UBE2V2: variants seen among roughly 807,000 people sequenced by gnomAD.
UBE2V2 encodes ubiquitin-conjugating enzyme E2 variant 2.
Under a neutral mutation model 17.2 loss-of-function variants are expected in UBE2V2, and 9 were observed. The ratio of observed to expected loss-of-function variants is 0.52; its 90% confidence interval spans 0.32 to 0.91. The LOEUF is 0.91. Ranked by LOEUF, UBE2V2 falls within the 40% of genes least tolerant of loss-of-function variation. The pLI, the probability that UBE2V2 is intolerant of heterozygous loss-of-function variation, is 0.04. For missense variants in UBE2V2, 133 were observed against 182.6 expected (o/e 0.73, Z 1.56); for synonymous variants, 61 against 57.5 (o/e 1.06, Z -0.28).
intron 3 of UBE2V2, among the ~76,000 whole-genome samples, chr8:48,053,728 A>AT (rs2091554576): frequency 6.7e-6 from 1 of 149,518 alleles, no homozygotes; most frequent in Non-Finnish European, 1.5e-5. Flanking sequence ...GCCCAGCTAG[A>AT]TTTTTTTCTT....
rs118161501 is a variant in UBE2V2, at chr8:48,034,932, C to T, written c.17-8101C>T. 6 of 796,806 alleles carry T rather than the reference C, an allele frequency of 7.5e-6. No individual in the cohort carries two copies. In the African/African-American group the frequency reaches 7.5e-5, roughly 10 times the overall value. The allele number at this position is 796,806 out of a possible 1,614,324, so 49.4% of individuals were successfully genotyped here. On this transcript the variant is annotated intron_variant, in intron 1 of 3. Coordinates refer to ENST00000523111, the MANE Select transcript of UBE2V2 (RefSeq NM_003350.3). ...TGTTGCCCGGGACGCCTTGCTCCCC[C>T]TCCCTGCAGCCTCTCCAGGTGGCCA...
At chr8:48,000,733 A>G in the UBE2V2 span, among the ~76,000 whole-genome samples, 8 of 150,476 alleles carry the variant, frequency 5.3e-5, no homozygotes, top group African/African-American at 2.0e-4. Context: ...GAGGCAGGAG[A>G]ATGGCATGAA....
chr8:48,004,073 T>G (rs113219149), upstream of UBE2V2, among the ~76,000 whole-genome samples: 3 of 152,288 alleles, frequency 2.0e-5, no homozygotes, highest in African/African-American at 7.2e-5. Context: ...TACACCAACA[T>G]GGGATGACAA....
At chr8:48,002,256 A>G in the UBE2V2 span, among the ~76,000 whole-genome samples, 1 of 152,214 alleles carries the variant, frequency 6.6e-6, no homozygotes, top group Non-Finnish European at 1.5e-5. Flanking sequence ...TATTATTCAC[A>G]ATAGCCTCAA....
intron 1 of UBE2V2, among the ~76,000 whole-genome samples, chr8:48,039,017 C>T (rs2091443539): frequency 6.6e-6 from 1 of 151,476 alleles, no homozygotes; most frequent in Middle Eastern, 3.4e-3. Flanking sequence ...CAACCTCTGC[C>T]TCTTGGGTTC....
chr8:48,007,823 G>C (rs771853797), upstream of UBE2V2, among the ~76,000 whole-genome samples: 1 of 151,284 alleles, frequency 6.6e-6, no homozygotes, highest in Admixed American at 6.6e-5. Context: ...CTCACCTCTT[G>C]GGCTCACGTG....
chr8:48,011,121 C>A (rs2091227400), intron 1 of UBE2V2, among the ~76,000 whole-genome samples: 1 of 152,074 alleles, frequency 6.6e-6, no homozygotes, highest in South Asian at 2.1e-4. Context: ...TTTGTGAAAG[C>A]AGCATGATAC....
At chr8:48,046,518 T>C (rs564702362) in intron 2 of UBE2V2, among the ~76,000 whole-genome samples, 1 of 152,332 alleles carries the variant, frequency 6.6e-6, no homozygotes, top group East Asian at 1.9e-4. Flanking sequence ...CTTCGCAAAG[T>C]GCTAGGATTA....
chr8:48,048,670 C>T (rs2091516219), intron 2 of UBE2V2, among the ~76,000 whole-genome samples: 1 of 151,880 alleles, frequency 6.6e-6, no homozygotes, highest in South Asian at 2.1e-4. Flanking sequence ...TAATAACATA[C>T]ATATAACATT....
At chr8:48,050,688 CAAAAA>C (rs796549178) in intron 3 of UBE2V2, among the ~76,000 whole-genome samples, 1 of 61,804 alleles carries the variant, frequency 1.6e-5, no homozygotes. Flanking sequence ...AACTCCGTCT[CAAAAA>C]AAAAAAAAAA....
intron 2 of UBE2V2, among the ~76,000 whole-genome samples, chr8:48,047,391 A>G (rs1362814680): frequency 6.6e-6 from 1 of 152,216 alleles, no homozygotes; most frequent in Non-Finnish European, 1.5e-5. Context: ...TATTTAATGA[A>G]GGTACTGTCC....
intron 1 of UBE2V2, among the ~76,000 whole-genome samples, chr8:48,030,567 A>C (rs987261653): frequency 3.3e-5 from 5 of 152,206 alleles, no homozygotes; most frequent in Admixed American, 3.3e-4. Context: ...CTAAAAATAC[A>C]AAAATTAGCT....
Position 48,060,728 on chromosome 8 carries a change from A to C in UBE2V2, c.338A>C (p.Tyr113Ser). 6.5e-7 allele frequency: 1 copy of C among 1,544,066 alleles called. No homozygotes were observed. The highest frequency in any genetic ancestry group is 1.8e-4 in the Middle Eastern group (1 of 5,668). ...GTGTTAGCAAAATGGCAAAATTCAT[A>C]TAGCATTAAAGTTGTACTTCAAGAG... ...IPVLAKWQNS[Y>S]SIKVVLQELR... The change falls in exon 4 of 4, where the codon TAT (tyrosine) becomes TCT (serine). Residue 113 changes from tyrosine (Y) to serine (S), a missense_variant. Around this residue, in one of 3 missense-constraint regions of UBE2V2, gnomAD observed 92 missense variants for 124.3 expected, o/e 0.74. Coordinates refer to ENST00000523111, the MANE Select transcript of UBE2V2 (RefSeq NM_003350.3).
chr8:48,047,460 G>A (rs1356584645), intron 2 of UBE2V2, among the ~76,000 whole-genome samples: 1 of 152,090 alleles, frequency 6.6e-6, no homozygotes, highest in Non-Finnish European at 1.5e-5. Flanking sequence ...GATAATAGGA[G>A]AATACCTGAG....
chr8:47,998,548 A>C, the UBE2V2 span, among the ~76,000 whole-genome samples: 3 of 151,754 alleles, frequency 2.0e-5, no homozygotes, highest in Non-Finnish European at 4.4e-5. Context: ...CTTTTTACTC[A>C]CCCTGGCGGA....
the UBE2V2 span, among the ~76,000 whole-genome samples, chr8:48,001,483 C>A: frequency 5.3e-5 from 8 of 152,044 alleles, no homozygotes; most frequent in African/African-American, 1.9e-4. Context: ...ATCTGTAGTC[C>A]CAGCTACTCA....
intron 2 of UBE2V2, among the ~76,000 whole-genome samples, chr8:48,047,437 G>A (rs956287329): frequency 2.0e-5 from 3 of 152,130 alleles, no homozygotes; most frequent in African/African-American, 7.2e-5. Flanking sequence ...AGAATTAAGT[G>A]AAATAATGAT....
intron 1 of UBE2V2, among the ~76,000 whole-genome samples, chr8:48,031,735 A>G (rs554254000): frequency 1.3e-5 from 2 of 152,214 alleles, no homozygotes; most frequent in South Asian, 4.1e-4. Flanking sequence ...GGCTCACTGC[A>G]ACCTCCGCCT....
chr8:48,052,137 C>T (rs924068932), intron 3 of UBE2V2, among the ~76,000 whole-genome samples: 1 of 152,096 alleles, frequency 6.6e-6, no homozygotes, highest in Non-Finnish European at 1.5e-5. Context: ...AGTGATTATT[C>T]TAGAAATTAT....
Sources: gnomAD v4.1 joint callset for allele counts (sites outside exome capture counted in the v4.1 genomes callset) on GRCh38, gnomAD v4.1.1 for gene constraint, gnomAD v4.1.1 regional missense constraint, MANE v1.5 for transcripts, NCBI Gene and HGNC (gene_info 2026-07-23, HGNC 2026-07-21) for gene names.